The following PAK5 variants were observed in gnomAD, a reference collection of about 807,000 sequenced individuals.
The protein encoded by PAK5 is serine/threonine-protein kinase PAK 5.
A neutral mutation model predicts 65.9 loss-of-function variants in PAK5; 16 were observed. The observed-to-expected ratio is 0.24, with a 90% CI of 0.16 to 0.37. The LOEUF (loss-of-function observed/expected upper bound fraction) is 0.37. Ranked by LOEUF, PAK5 falls within the 10% of genes least tolerant of loss-of-function variation. PAK5 has a pLI of 1.00. For synonymous variants in PAK5, 371 were observed against 354.9 expected (o/e 1.05, Z -0.51); for missense variants, 785 against 903.9 (o/e 0.87, Z 1.69).
Position 9,560,776 on chromosome 20 carries a change from G to C in PAK5, c.1616+2115C>G, listed in dbSNP as rs8114891. Among the ~76,000 whole-genome samples the C allele has an allele frequency of 4.4e-3, 664 of 152,282 alleles. 6 individuals carry two copies. The highest frequency in any genetic ancestry group is 0.015 in the African/African-American group (634 of 41,548). On this transcript the variant is annotated intron_variant, in intron 6 of 9. Coordinates refer to ENST00000353224, the MANE Select transcript of PAK5 (RefSeq NM_177990.4). ...TGATTAACATATGAAGAGCTTGATG[G>C]TGCTTGGCACTTTCCCTTCCCTTCT...
chr20:9,758,769 A>G (rs777260470), intron 1 of PAK5, among the ~76,000 whole-genome samples: 142 of 152,328 alleles, frequency 9.3e-4, no homozygotes, highest in Non-Finnish European at 1.6e-3. Flanking sequence ...TAGAAATAAA[A>G]TGTGTTCTAT....
intron 2 of PAK5, among the ~76,000 whole-genome samples, chr20:9,675,015 A>G (rs1021347608): frequency 6.6e-6 from 1 of 152,322 alleles, no homozygotes; most frequent in East Asian, 1.9e-4. Context: ...GATCTGGGTG[A>G]GCCACTTACA....
intron 2 of PAK5, among the ~76,000 whole-genome samples, chr20:9,701,027 G>C (rs549008194): frequency 4.6e-5 from 7 of 152,244 alleles, no homozygotes; most frequent in Non-Finnish European, 7.4e-5. Flanking sequence ...ATAGGTAGGA[G>C]CCATTGCATT....
At chr20:9,692,047 A>G (rs1408596557) in intron 2 of PAK5, among the ~76,000 whole-genome samples, 3 of 152,208 alleles carry the variant, frequency 2.0e-5, no homozygotes, top group Non-Finnish European at 2.9e-5. Context: ...GCCCAGGTAC[A>G]TAGTGGTACA....
chr20:9,626,033 T>G (rs2046839173), intron 3 of PAK5, among the ~76,000 whole-genome samples: 1 of 152,092 alleles, frequency 6.6e-6, no homozygotes. Flanking sequence ...AGAATATAAA[T>G]AGGCCAAATA....
At chr20:9,628,416 C>T (rs994498352) in intron 3 of PAK5, among the ~76,000 whole-genome samples, 3 of 152,158 alleles carry the variant, frequency 2.0e-5, no homozygotes, top group Non-Finnish European at 4.4e-5. Flanking sequence ...GATATTCATT[C>T]ATTAGGTATG....
At chr20:9,672,854 T>A in intron 2 of PAK5, among the ~76,000 whole-genome samples, 1 of 152,192 alleles carries the variant, frequency 6.6e-6, no homozygotes, top group Admixed American at 6.6e-5. Context: ...TCTTGAACAG[T>A]AGTCTGCATT....
At chr20:9,736,148 A>C (rs868669337) in intron 1 of PAK5, among the ~76,000 whole-genome samples, 3 of 151,838 alleles carry the variant, frequency 2.0e-5, no homozygotes, top group African/African-American at 7.3e-5. Context: ...TGATCCACCC[A>C]CCTCGGCATC....
chr20:9,666,637 C>T (rs1036459306), intron 2 of PAK5, among the ~76,000 whole-genome samples: 1 of 152,096 alleles, frequency 6.6e-6, no homozygotes, highest in Non-Finnish European at 1.5e-5. Flanking sequence ...CCCACCTCCA[C>T]CACCATAAGC....
intron 5 of PAK5, among the ~76,000 whole-genome samples, chr20:9,563,921 G>C (rs1440258752): frequency 3.3e-5 from 5 of 152,142 alleles, no homozygotes; most frequent in Non-Finnish European, 5.9e-5. Flanking sequence ...ATGATAAACA[G>C]AGTTCAAAAT....
chr20:9,798,660 A>C lies in PAK5; in HGVS notation c.-162+40102T>G, dbSNP rs1373133927. 3.3e-5 allele frequency among the ~76,000 whole-genome samples: 5 copies of C among 152,280 alleles called. No individual in the cohort carries two copies. In the South Asian group the frequency reaches 1.0e-3, roughly 32 times the overall value. ...ATTATTTGCAGACAATGGAAAAAGT[A>C]GCTTCCTAGAATTTCCAGGTAGTGT... On this transcript the variant is annotated intron_variant, in intron 1 of 9. Coordinates refer to ENST00000353224, the MANE Select transcript of PAK5 (RefSeq NM_177990.4).
intron 7 of PAK5, among the ~76,000 whole-genome samples, chr20:9,545,719 C>T (rs1385471110): frequency 6.6e-6 from 1 of 152,058 alleles, no homozygotes; most frequent in East Asian, 1.9e-4. Context: ...AGACCTTGCT[C>T]CTCCATTCAA....
intron 4 of PAK5, among the ~76,000 whole-genome samples, chr20:9,572,067 T>G (rs1012509973): frequency 1.4e-5 from 2 of 143,860 alleles, no homozygotes; most frequent in Admixed American, 1.3e-4. Flanking sequence ...ATTAAGGGTT[T>G]TTTTTTTTTT....
rs973610221 is a variant in PAK5, at chr20:9,828,238, T to C, written c.-162+10524A>G. 7.2e-5 allele frequency among the ~76,000 whole-genome samples: 11 copies of C among 152,340 alleles called. 1 individual carries two copies. Among genetic ancestry groups the C allele is most frequent in the East Asian group, 3.9e-4 (2 of 5,182 alleles). On this transcript the variant is annotated intron_variant, in intron 1 of 9. Coordinates refer to ENST00000353224, the MANE Select transcript of PAK5 (RefSeq NM_177990.4). Reference sequence around the variant, plus strand: ...ACAACCTGCAGGTAGGTAGCTGTTATCTTAACCCTCAAAAAGGGTTAAACC... The same window carrying C: ...ACAACCTGCAGGTAGGTAGCTGTTACCTTAACCCTCAAAAAGGGTTAAACC...
At chr20:9,572,064 GTT>G (rs35823620) in intron 4 of PAK5, among the ~76,000 whole-genome samples, 2,952 of 133,108 alleles carry the variant, frequency 0.022, 100 homozygotes, top group African/African-American at 0.074. Context: ...CAAATTAAGG[GTT>G]TTTTTTTTTT....
At chr20:9,617,315 C>T (rs1030493561) in intron 3 of PAK5, among the ~76,000 whole-genome samples, 39 of 152,174 alleles carry the variant, frequency 2.6e-4, no homozygotes, top group African/African-American at 9.2e-4. Context: ...TGGAAAGAAA[C>T]GAGTTAGCCC....
chr20:9,739,636 T>G (rs1197901521), intron 1 of PAK5, among the ~76,000 whole-genome samples: 1 of 152,192 alleles, frequency 6.6e-6, no homozygotes, highest in Non-Finnish European at 1.5e-5. Flanking sequence ...CCTGTACCTC[T>G]GCCCCAACTT....
chr20:9,751,288 C>G (rs189951220), intron 1 of PAK5, among the ~76,000 whole-genome samples: 1 of 152,198 alleles, frequency 6.6e-6, no homozygotes, highest in Non-Finnish European at 1.5e-5. Context: ...TTGCAATATT[C>G]AAATTCCTCC....
Position 9,539,537 on chromosome 20 carries a change from G to A in PAK5, c.2085C>T (p.Leu695=), listed in dbSNP as rs141553527. 22 of 1,613,468 alleles carry A rather than the reference G, an allele frequency of 1.4e-5. No individual in the cohort carries two copies. In the African/African-American group the frequency reaches 1.6e-4, roughly 12 times the overall value. ...CTGCTAGTTTTAAGAATGGATGTCCGAGGAGTTCCTGGGCTGTTGCTCTCT... is the reference window on the plus strand; with the variant it reads ...CTGCTAGTTTTAAGAATGGATGTCCAAGGAGTTCCTGGGCTGTTGCTCTCT... ...PSQRATAQEL[L]GHPFLKLAGP... The change falls in exon 10 of 10, where the codon CTC becomes CTT. Residue 695 remains leucine (L), a synonymous_variant. Transcript: ENST00000353224.
Sources: allele counts gnomAD v4.1 joint callset (sites outside exome capture counted in the v4.1 genomes callset), GRCh38; gene constraint gnomAD v4.1.1; transcripts MANE v1.5; gene names NCBI Gene and HGNC (gene_info 2026-07-23, HGNC 2026-07-21).